Variants in RNGTT observed in about 807,000 individuals in gnomAD.
The protein encoded by RNGTT is RNA guanylyltransferase and 5'-phosphatase, also known as mRNA-capping enzyme.
A neutral mutation model predicts 79.3 loss-of-function variants in RNGTT; 33 were observed. The ratio of observed to expected loss-of-function variants is 0.42; its 90% CI spans 0.32 to 0.56. The LOEUF (loss-of-function observed/expected upper bound fraction) is 0.56, where lower values mean the gene tolerates loss of function less well. Among genes scored for constraint, RNGTT ranks in the 20% least tolerant of loss-of-function variants. The pLI is 0.17. For synonymous variants in RNGTT, 222 were observed against 235.9 expected (o/e 0.94, Z 0.54); for missense variants, 497 against 739.1 (o/e 0.67, Z 3.80).
intron 11 of RNGTT, among the ~76,000 whole-genome samples, chr6:88,803,807 T>C (rs1162490558): frequency 6.6e-6 from 1 of 152,128 alleles, no homozygotes; most frequent in Non-Finnish European, 1.5e-5. Context: ...TAATGGACCA[T>C]GCCTGTATGT....
At chr6:88,845,391 C>T (rs961045958) in intron 10 of RNGTT, among the ~76,000 whole-genome samples, 4 of 152,184 alleles carry the variant, frequency 2.6e-5, no homozygotes, top group Admixed American at 6.6e-5. Context: ...AGTACATGAA[C>T]ACTTTTGTAT....
At chr6:88,666,681 G>A (rs563307843) in intron 14 of RNGTT, among the ~76,000 whole-genome samples, 8 of 152,292 alleles carry the variant, frequency 5.3e-5, no homozygotes, top group African/African-American at 1.9e-4. Flanking sequence ...ACAAACCTTG[G>A]ATGTCTGTAG....
chr6:88,723,614 T>C (rs976961128), intron 13 of RNGTT, among the ~76,000 whole-genome samples: 2 of 152,282 alleles, frequency 1.3e-5, no homozygotes, highest in East Asian at 1.9e-4. Flanking sequence ...AAAAGTAAAA[T>C]TGAAAAATTA....
At chr6:88,850,683 G>A (rs1781643085) in intron 9 of RNGTT, among the ~76,000 whole-genome samples, 1 of 151,912 alleles carries the variant, frequency 6.6e-6, no homozygotes, top group African/African-American at 2.4e-5. Flanking sequence ...AAGGAGTGTA[G>A]TTATTTCTAC....
chr6:88,624,043 C>T (rs1458776795), intron 14 of RNGTT, among the ~76,000 whole-genome samples: 1 of 151,900 alleles, frequency 6.6e-6, no homozygotes, highest in Non-Finnish European at 1.5e-5. Flanking sequence ...ATAATCTGTG[C>T]AGGATCTGCA....
chr6:88,943,656 A>C (rs1784920321), intron 1 of RNGTT, among the ~76,000 whole-genome samples: 1 of 152,128 alleles, frequency 6.6e-6, no homozygotes. Flanking sequence ...ATGAGCAATA[A>C]ACATAATAAA....
At chr6:88,613,866 T>A (rs117862805) in intron 15 of RNGTT, among the ~76,000 whole-genome samples, 65 of 152,378 alleles carry the variant, frequency 4.3e-4, no homozygotes, top group Middle Eastern at 3.4e-3. Flanking sequence ...TGTTCTCCAT[T>A]GTTTATAAAG....
intron 12 of RNGTT, among the ~76,000 whole-genome samples, chr6:88,770,804 C>A (rs1425099747): frequency 1.3e-5 from 2 of 152,152 alleles, no homozygotes; most frequent in Admixed American, 6.5e-5. Flanking sequence ...CTTAATTTAG[C>A]CTTTCTAAAG....
chr6:88,644,926 C>T lies in RNGTT; in HGVS notation c.1507-30531G>A, dbSNP rs1773481445. ...GAATGGGCAAAAACTGGAAGCATTC[C>T]CTTTGAAAACTGGCACAAGACAGGG... On this transcript the variant is annotated intron_variant, in intron 14 of 15. Transcript: ENST00000369485. 2.6e-5 allele frequency among the ~76,000 whole-genome samples: 4 copies of T among 152,112 alleles called. No individual in the cohort carries two copies. In the South Asian group the frequency reaches 8.3e-4, roughly 32 times the overall value.
intron 11 of RNGTT, among the ~76,000 whole-genome samples, chr6:88,824,233 C>T (rs1427264325): frequency 6.6e-6 from 1 of 152,158 alleles, no homozygotes; most frequent in African/African-American, 2.4e-5. Context: ...GATGGTCCAG[C>T]CAACTATACA....
At chr6:88,929,134 A>C in intron 3 of RNGTT, 30 bp downstream of exon 3, 1 of 1,569,380 alleles carries the variant, frequency 6.4e-7, no homozygotes, top group Non-Finnish European at 8.7e-7. Flanking sequence ...GAAAGGTTTC[A>C]ATATTAAAGA....
chr6:88,764,228 C>T (rs1049876979), intron 13 of RNGTT, among the ~76,000 whole-genome samples: 3 of 152,226 alleles, frequency 2.0e-5, no homozygotes, highest in South Asian at 2.1e-4. Context: ...TCAGTTCTTT[C>T]GTAACAGACA....
chr6:88,874,214 T>C (rs1366205385), intron 8 of RNGTT, among the ~76,000 whole-genome samples: 4 of 152,180 alleles, frequency 2.6e-5, no homozygotes, highest in Admixed American at 2.6e-4. Context: ...GTTAAATATG[T>C]AAAATACAGC....
chr6:88,786,831 C>G (rs1396244590), intron 12 of RNGTT, among the ~76,000 whole-genome samples: 1 of 152,144 alleles, frequency 6.6e-6, no homozygotes, highest in African/African-American at 2.4e-5. Context: ...TCCTAAGCCC[C>G]TAATGTGATG....
In RNGTT at chr6:88,699,874, A is replaced by C. The variant is rs141402540; in HGVS notation, c.1440-21455T>G. ...AGGTATACAGAATATGCAAACTCAC[A>C]AATTCAGAAAATAGAATAGTGGTTA... On this transcript the variant is annotated intron_variant, in intron 13 of 15. Coordinates refer to ENST00000369485, the MANE Select transcript of RNGTT (RefSeq NM_003800.5). Among the ~76,000 whole-genome samples, 899 of 152,322 alleles carry C rather than the reference A, an allele frequency of 5.9e-3. 16 individuals carry two copies. The highest frequency in any genetic ancestry group is 0.02 in the African/African-American group (818 of 41,570).
chr6:88,950,957 C>T (rs1197376774), intron 1 of RNGTT, among the ~76,000 whole-genome samples: 1 of 151,350 alleles, frequency 6.6e-6, no homozygotes, highest in African/African-American at 2.4e-5. Context: ...CTCCCGGGTT[C>T]GAGTGATTCT....
chr6:88,653,908 AT>A (rs1367625992), intron 14 of RNGTT, among the ~76,000 whole-genome samples: 1 of 152,232 alleles, frequency 6.6e-6, no homozygotes, highest in Non-Finnish European at 1.5e-5. Context: ...GGACATAAAG[AT>A]AATATTGAGA....
At chr6:88,738,277 T>C (rs1440191381) in intron 13 of RNGTT, among the ~76,000 whole-genome samples, 2 of 152,072 alleles carry the variant, frequency 1.3e-5, no homozygotes, top group Non-Finnish European at 2.9e-5. Flanking sequence ...GGCAATGTCA[T>C]TAAAAACGCG....
In RNGTT at chr6:88,845,033, C is replaced by T. The variant is rs145509326; in HGVS notation, c.1105-512G>A. Among the ~76,000 whole-genome samples the T allele has an allele frequency of 9.9e-4, 151 of 152,180 alleles. 1 individual carries two copies. In the East Asian group the frequency reaches 0.015, roughly 15 times the overall value. Reference sequence around the variant, plus strand: ...CATTTTAAAATAGAAAAAATATATACTCACTAGTCTTTTTTAATTATTTAT... The same window carrying T: ...CATTTTAAAATAGAAAAAATATATATTCACTAGTCTTTTTTAATTATTTAT... On this transcript the variant is annotated intron_variant, in intron 10 of 15. Coordinates refer to ENST00000369485, the MANE Select transcript of RNGTT (RefSeq NM_003800.5).
Sources: gnomAD v4.1 joint callset for allele counts (sites outside exome capture counted in the v4.1 genomes callset) on GRCh38, gnomAD v4.1.1 for gene constraint, MANE v1.5 for transcripts, NCBI Gene and HGNC (gene_info 2026-07-23, HGNC 2026-07-21) for gene names.